The following NR4A1 variants were observed in gnomAD, a reference collection of about 807,000 sequenced individuals.
NR4A1 encodes the protein nuclear receptor subfamily 4 group A member 1.
Under a neutral mutation model 47.5 loss-of-function variants are expected in NR4A1, and 24 were observed. That is an observed-to-expected ratio of 0.50 (90% CI 0.37 to 0.71). The LOEUF is 0.71. Among genes scored for constraint, NR4A1 ranks in the 30% least tolerant of loss-of-function variants. The pLI, the probability that NR4A1 is intolerant of heterozygous loss-of-function variation, is 0.00. For missense variants in NR4A1, 669 were observed against 788.6 expected, an observed-to-expected ratio of 0.85 and a Z score of 1.82; for synonymous variants, 353 against 345.7, an observed-to-expected ratio of 1.02 and a Z score of -0.24.
At chr12:52,043,456 G>GC in intron 2 of NR4A1, 1 of 243,984 alleles carries the variant, frequency 4.1e-6, no homozygotes, top group South Asian at 4.9e-5. Context: ...TACTGCCAAG[G>GC]CCACCCTGAG....
At chr12:52,058,179 T>C (rs907902324) in intron 6 of NR4A1, among the ~76,000 whole-genome samples, 7 of 152,330 alleles carry the variant, frequency 4.6e-5, no homozygotes, top group African/African-American at 1.7e-4. Flanking sequence ...TTTTGGACTT[T>C]ATGTAAATGT....
rs1465170116 is a variant in NR4A1 at position 52,059,133 on chromosome 12, C to A, written c.*189C>A. ...GAGGGGGATGCCTTCATGGGGGTGA[C>A]CCCACGATTTGTCTTATCCCCCCCA... On this transcript the variant is annotated 3_prime_UTR_variant, in exon 7 of 7. Coordinates refer to ENST00000394825, the MANE Select transcript of NR4A1 (RefSeq NM_173157.3). The A allele has an allele frequency of 1.1e-5, 8 of 711,176 alleles. No homozygotes were observed. Among genetic ancestry groups the A allele is most frequent in the Non-Finnish European group, 1.6e-5 (7 of 444,620 alleles). 44.1% of individuals were successfully genotyped at this position (711,176 alleles called of 1,614,324 possible). A position where few individuals can be genotyped will look rare whatever the true frequency, so the allele number is the denominator to read the frequency against.
chr12:52,053,982 G>T, intron 1 of NR4A1: 1 of 248,578 alleles, frequency 4.0e-6, no homozygotes, highest in Non-Finnish European at 7.7e-6. Context: ...TTCCCCATGG[G>T]GGAGGGGCAG....
intron 2 of NR4A1, among the ~76,000 whole-genome samples, chr12:52,044,204 G>A (rs1938543707): frequency 6.6e-6 from 1 of 152,228 alleles, no homozygotes; most frequent in Non-Finnish European, 1.5e-5. Context: ...ACCCCGCCTG[G>A]ATGAGGCACT....
chr12:52,051,023 G>A (rs997876838), upstream of NR4A1, among the ~76,000 whole-genome samples: 3 of 152,196 alleles, frequency 2.0e-5, no homozygotes, highest in Admixed American at 1.3e-4. Flanking sequence ...GGGAAGCCCC[G>A]CGGCCGCGTC....
At chr12:52,030,950 T>C (rs1938111929) in intron 1 of NR4A1, among the ~76,000 whole-genome samples, 1 of 152,156 alleles carries the variant, frequency 6.6e-6, no homozygotes. Context: ...AAGCTGGCAC[T>C]CTTTCATTAC....
intron 1 of NR4A1, chr12:52,053,978 A>C: frequency 4.2e-6 from 1 of 238,400 alleles, no homozygotes. Flanking sequence ...TGCCTTCCCC[A>C]TGGGGGAGGG....
At chr12:52,042,179 G>C (rs1306155911) in intron 2 of NR4A1, among the ~76,000 whole-genome samples, 2 of 152,118 alleles carry the variant, frequency 1.3e-5, no homozygotes, top group African/African-American at 4.8e-5. Flanking sequence ...GGGCCTAGGT[G>C]ACACGGGCTG....
chr12:52,032,394 C>G (rs7965018), intron 1 of NR4A1, among the ~76,000 whole-genome samples: 5,658 of 152,304 alleles, frequency 0.037, 235 homozygotes, highest in African/African-American at 0.099. Flanking sequence ...TGGAACTACT[C>G]CAGCTTGCGG....
intron 1 of NR4A1, among the ~76,000 whole-genome samples, chr12:52,033,191 C>T (rs553519933): frequency 6.6e-6 from 1 of 152,306 alleles, no homozygotes; most frequent in Admixed American, 6.5e-5. Context: ...CCAGCCCGGC[C>T]GCCCCCGGGA....
intron 2 of NR4A1, among the ~76,000 whole-genome samples, chr12:52,044,278 T>G (rs1938546486): frequency 6.6e-6 from 1 of 152,246 alleles, no homozygotes; most frequent in Non-Finnish European, 1.5e-5. Context: ...GTGGGGCCCC[T>G]GAGCCCCCAC....
At chr12:52,043,960 A>T in intron 2 of NR4A1, 1 of 1,281,310 alleles carries the variant, frequency 7.8e-7, no homozygotes, top group Non-Finnish European at 1.0e-6. Flanking sequence ...GGCTGTTTGG[A>T]TTTTTTCCCA....
In NR4A1 at chr12:52,059,006, T is replaced by A; in HGVS notation, c.*62T>A. 1 of 1,545,008 alleles carries A rather than the reference T, an allele frequency of 6.5e-7. No homozygotes were observed. Among genetic ancestry groups the A allele is most frequent in the Non-Finnish European group, 8.8e-7 (1 of 1,139,966 alleles). On this transcript the variant is annotated 3_prime_UTR_variant, in exon 7 of 7. Coordinates refer to ENST00000394825, the MANE Select transcript of NR4A1 (RefSeq NM_173157.3). ...CATATGCCACCCCATGTGCCTTTAG[T>A]CCACGGACCCCCAGAGCACCCCCAA...
At chr12:52,053,773 C>T (rs983725552) in intron 1 of NR4A1, 2 of 154,168 alleles carry the variant, frequency 1.3e-5, no homozygotes, top group Non-Finnish European at 2.9e-5. Context: ...GCTTTCACTT[C>T]CAGCTCCTCT....
intron 1 of NR4A1, among the ~76,000 whole-genome samples, chr12:52,030,083 A>C (rs139773207): frequency 6.6e-6 from 1 of 152,336 alleles, no homozygotes; most frequent in East Asian, 1.9e-4. Context: ...CTTGCACACA[A>C]AGGCACAAAG....
At chr12:52,042,558 G>A (rs1938479964) in intron 2 of NR4A1, among the ~76,000 whole-genome samples, 2 of 152,170 alleles carry the variant, frequency 1.3e-5, no homozygotes, top group South Asian at 4.1e-4. Context: ...GTACAGAGGG[G>A]AGAAATGACT....
chr12:52,038,402 C>T (rs959947766), intron 1 of NR4A1: 1 of 286,022 alleles, frequency 3.5e-6, no homozygotes, highest in Non-Finnish European at 6.8e-6. Flanking sequence ...TGATAGATGA[C>T]CTGGGGATGG....
At chr12:52,031,856 T>G (rs968936575) in intron 1 of NR4A1, among the ~76,000 whole-genome samples, 13 of 147,290 alleles carry the variant, frequency 8.8e-5, no homozygotes, top group African/African-American at 3.3e-4. Context: ...CTCAGCTCAC[T>G]GCAACCTTCG....
At chr12:52,044,276 C>T (rs1938546384) in intron 2 of NR4A1, among the ~76,000 whole-genome samples, 1 of 152,252 alleles carries the variant, frequency 6.6e-6, no homozygotes, top group Admixed American at 6.5e-5. Flanking sequence ...GAGTGGGGCC[C>T]CTGAGCCCCC....
Sources: gnomAD v4.1 joint callset for allele counts (sites outside exome capture counted in the v4.1 genomes callset) on GRCh38, gnomAD v4.1.1 for gene constraint, MANE v1.5 for transcripts, NCBI Gene and HGNC (gene_info 2026-07-23, HGNC 2026-07-21) for gene names.